ELMO1: variants seen among roughly 807,000 people sequenced by gnomAD.
ELMO1 encodes engulfment and cell motility protein 1.
A neutral mutation model predicts 98.9 loss-of-function variants in ELMO1; 26 were observed. The observed-to-expected ratio is 0.26, with a 90% CI of 0.19 to 0.36. ELMO1 has a LOEUF of 0.36. ELMO1 is among the 10% of genes least tolerant of loss of function. The pLI, the probability that ELMO1 is intolerant of heterozygous loss-of-function variation, is 1.00. For synonymous variants in ELMO1, 346 were observed against 346.0 expected, an observed-to-expected ratio of 1.00 and a Z score of 0.00; for missense variants, 627 against 935.2, an observed-to-expected ratio of 0.67 and a Z score of 4.30.
At chr7:37,222,275 C>G (rs55768188) in intron 10 of ELMO1, among the ~76,000 whole-genome samples, 43,017 of 152,078 alleles carry the variant, frequency 0.28, 6,740 homozygotes, top group African/African-American at 0.41. Flanking sequence ...GACAGAAGGT[C>G]GCAGGGGCTC....
intron 1 of ELMO1, among the ~76,000 whole-genome samples, chr7:37,368,821 C>T (rs983953211): frequency 1.1e-4 from 16 of 152,296 alleles, no homozygotes; most frequent in Middle Eastern, 3.4e-3. Context: ...CTCCTCTCTC[C>T]CACATATAGA....
intron 15 of ELMO1, among the ~76,000 whole-genome samples, chr7:37,040,007 C>T (rs73688461): frequency 0.043 from 6,560 of 152,114 alleles, 423 homozygotes; most frequent in African/African-American, 0.14. Flanking sequence ...GTCCAGTAGG[C>T]TTTCCTGTGA....
chr7:37,124,270 G>A lies in ELMO1; in HGVS notation c.1191+8860C>T, dbSNP rs149143167. On this transcript the variant is annotated intron_variant, in intron 14 of 21. Coordinates refer to ENST00000310758, the MANE Select transcript of ELMO1 (RefSeq NM_014800.11). Reference sequence around the variant, plus strand: ...CACCACTCCTATTCAACATAGTGTTGGAAGTTCTGCCTAGCGCAATCAGGC... The same window carrying A: ...CACCACTCCTATTCAACATAGTGTTAGAAGTTCTGCCTAGCGCAATCAGGC... Among the ~76,000 whole-genome samples the A allele has an allele frequency of 2.7e-3, 411 of 152,244 alleles. 1 individual carries two copies. The highest frequency in any genetic ancestry group is 9.5e-3 in the African/African-American group (394 of 41,546).
intron 1 of ELMO1, among the ~76,000 whole-genome samples, chr7:37,384,832 C>T (rs1802728550): frequency 6.6e-6 from 1 of 152,158 alleles, no homozygotes; most frequent in Non-Finnish European, 1.5e-5. Flanking sequence ...ACTTCTTTCA[C>T]TCTAATCTGC....
chr7:37,295,227 T>G (rs2717986), intron 4 of ELMO1, among the ~76,000 whole-genome samples: 48 of 152,106 alleles, frequency 3.2e-4, no homozygotes, highest in Admixed American at 2.0e-3. Context: ...GAAGGAGAGA[T>G]AGAAAATTTG....
intron 18 of ELMO1, among the ~76,000 whole-genome samples, chr7:36,881,625 C>T (rs760446865): frequency 6.6e-6 from 1 of 152,112 alleles, no homozygotes; most frequent in Admixed American, 6.6e-5. Flanking sequence ...AAACAAAATA[C>T]AGGGAGAATT....
intron 1 of ELMO1, among the ~76,000 whole-genome samples, chr7:37,416,518 A>G (rs143384681): frequency 2.7e-3 from 417 of 152,336 alleles, no homozygotes; most frequent in Admixed American, 5.6e-3. Context: ...GCACACGCAC[A>G]GACCACAGTA....
chr7:37,285,068 C>T (rs1397813500), intron 4 of ELMO1, among the ~76,000 whole-genome samples: 2 of 152,324 alleles, frequency 1.3e-5, no homozygotes, highest in East Asian at 1.9e-4. Flanking sequence ...AACAGAGACA[C>T]GTCTATAGTG....
intron 13 of ELMO1, among the ~76,000 whole-genome samples, chr7:37,195,712 A>G (rs2130237327): frequency 6.6e-6 from 1 of 152,316 alleles, no homozygotes; most frequent in Non-Finnish European, 1.5e-5. Context: ...CTGGTCCCAG[A>G]CGGACCACCT....
At chr7:37,385,159 G>C (rs1018631227) in intron 1 of ELMO1, among the ~76,000 whole-genome samples, 13 of 152,148 alleles carry the variant, frequency 8.5e-5, no homozygotes, top group African/African-American at 3.1e-4. Context: ...CTCTACTCTT[G>C]CCCACAGTAG....
intron 16 of ELMO1, among the ~76,000 whole-genome samples, chr7:36,932,929 G>A (rs1350647014): frequency 6.6e-6 from 1 of 152,226 alleles, no homozygotes; most frequent in East Asian, 1.9e-4. Context: ...CCTCTGGGGT[G>A]CTGCAGAGAC....
chr7:37,356,096 C>G (rs1166497078), intron 1 of ELMO1, among the ~76,000 whole-genome samples: 1 of 152,196 alleles, frequency 6.6e-6, no homozygotes, highest in Non-Finnish European at 1.5e-5. Context: ...TCTCTCTGAC[C>G]TCTACTGCTC....
intron 13 of ELMO1, among the ~76,000 whole-genome samples, chr7:37,135,764 T>C (rs1161084354): frequency 6.6e-6 from 1 of 152,186 alleles, no homozygotes; most frequent in Non-Finnish European, 1.5e-5. Context: ...TGACTTAGTC[T>C]ACCCAAATGA....
intron 13 of ELMO1, among the ~76,000 whole-genome samples, chr7:37,168,391 C>G (rs1789883515): frequency 6.6e-6 from 1 of 152,194 alleles, no homozygotes; most frequent in Admixed American, 6.5e-5. Flanking sequence ...AACTGTGTTC[C>G]TTTGGAGGAG....
chr7:37,236,683 T>C (rs1168825104), intron 7 of ELMO1, among the ~76,000 whole-genome samples: 2 of 152,222 alleles, frequency 1.3e-5, no homozygotes, highest in Non-Finnish European at 2.9e-5. Flanking sequence ...AGTTCCCATA[T>C]GGAAGAACTT....
chr7:37,256,724 GGGGAAGGGAA>G (rs147352052), intron 6 of ELMO1, among the ~76,000 whole-genome samples: 1,423 of 115,402 alleles, frequency 0.012, 34 homozygotes, highest in African/African-American at 0.046. Context: ...AGAGGGGCAG[GGGGAAGGGAA>G]GGGAAGGGAA....
intron 4 of ELMO1, among the ~76,000 whole-genome samples, chr7:37,297,467 T>A (rs575951890): frequency 6.6e-6 from 1 of 150,862 alleles, no homozygotes; most frequent in East Asian, 1.9e-4. Context: ...ACCTAGGGGG[T>A]CCTCCATAAA....
intron 14 of ELMO1, among the ~76,000 whole-genome samples, chr7:37,126,391 G>A (rs183976304): frequency 9.3e-5 from 14 of 150,656 alleles, no homozygotes; most frequent in African/African-American, 7.3e-5. Flanking sequence ...GAGAAAAGGG[G>A]TCAGGCTTGT....
At chr7:37,137,208 C>T (rs1446813475) in intron 13 of ELMO1, among the ~76,000 whole-genome samples, 1 of 152,086 alleles carries the variant, frequency 6.6e-6, no homozygotes, top group Non-Finnish European at 1.5e-5. Flanking sequence ...AGGACTAGCC[C>T]AACAGGGAAA....
Sources: allele counts gnomAD v4.1 joint callset (sites outside exome capture counted in the v4.1 genomes callset), GRCh38; gene constraint gnomAD v4.1.1; transcripts MANE v1.5; gene names NCBI Gene and HGNC (gene_info 2026-07-23, HGNC 2026-07-21).